Variants in KCNH8 observed in about 807,000 individuals in gnomAD.
KCNH8 encodes voltage-gated delayed rectifier potassium channel KCNH8.
A neutral mutation model predicts 103.6 loss-of-function variants in KCNH8; 70 were observed. The observed-to-expected ratio is 0.68, with a 90% CI of 0.56 to 0.82. The LOEUF is 0.82. Ranked by LOEUF, KCNH8 falls within the 40% of genes least tolerant of loss-of-function variation. KCNH8 has a pLI of 0.00. For synonymous variants in KCNH8, 498 were observed against 489.4 expected (o/e 1.02, Z -0.23); for missense variants, 1,217 against 1,329.9 (o/e 0.92, Z 1.32).
intron 5 of KCNH8, among the ~76,000 whole-genome samples, chr3:19,365,964 T>C (rs1257861428): frequency 1.3e-5 from 2 of 152,088 alleles, no homozygotes; most frequent in African/African-American, 4.8e-5. Flanking sequence ...ACTCCCACAT[T>C]TGGAGTTCTT....
intron 5 of KCNH8, among the ~76,000 whole-genome samples, chr3:19,370,135 T>G (rs916398279): frequency 6.6e-6 from 1 of 152,086 alleles, no homozygotes; most frequent in African/African-American, 2.4e-5. Flanking sequence ...AGTTCGCTTG[T>G]TATCTCTCGC....
At chr3:19,216,228 T>C (rs1037859514) in intron 1 of KCNH8, among the ~76,000 whole-genome samples, 3 of 152,194 alleles carry the variant, frequency 2.0e-5, no homozygotes, top group Admixed American at 6.5e-5. Flanking sequence ...ATTCTCTCCA[T>C]TCTAGGCAGG....
At chr3:19,412,240 A>G (rs944399265) in intron 7 of KCNH8, among the ~76,000 whole-genome samples, 1 of 152,074 alleles carries the variant, frequency 6.6e-6, no homozygotes, top group African/African-American at 2.4e-5. Flanking sequence ...ATAAAGCCAT[A>G]CACCTACAGC....
At chr3:19,179,222 T>C (rs1163362861) in intron 1 of KCNH8, among the ~76,000 whole-genome samples, 1 of 152,070 alleles carries the variant, frequency 6.6e-6, no homozygotes, top group African/African-American at 2.4e-5. Flanking sequence ...CTCTAACGCT[T>C]GCCAAATATG....
intron 10 of KCNH8, among the ~76,000 whole-genome samples, chr3:19,456,549 G>A (rs567583652): frequency 6.6e-6 from 1 of 151,984 alleles, no homozygotes; most frequent in African/African-American, 2.4e-5. Flanking sequence ...TTAGTTGTTG[G>A]TTCTTTATGA....
chr3:19,295,596 G>T (rs779947836), intron 3 of KCNH8, among the ~76,000 whole-genome samples: 2 of 152,240 alleles, frequency 1.3e-5, no homozygotes, highest in Non-Finnish European at 2.9e-5. Flanking sequence ...GATGATAACA[G>T]TGTCACTGAG....
rs556698179 is a variant in KCNH8 at position 19,412,017 on chromosome 3, A to T, written c.1177+16706A>T. On this transcript the variant is annotated intron_variant, in intron 7 of 15. Transcript: ENST00000328405. ...CCAACATCTTCTTTAAGAATTATTT[A>T]AAAAAAATAGAATTAGAAAAAAAAT... 7.2e-4 allele frequency among the ~76,000 whole-genome samples: 109 copies of T among 151,706 alleles called. 1 individual carries two copies. Among genetic ancestry groups the T allele is most frequent in the South Asian group, 5.4e-3 (26 of 4,800 alleles).
chr3:19,417,452 T>A (rs1436468586), intron 7 of KCNH8, among the ~76,000 whole-genome samples: 1 of 151,772 alleles, frequency 6.6e-6, no homozygotes, highest in Non-Finnish European at 1.5e-5. Context: ...TGGACCTTAT[T>A]CTTGCTCGGA....
intron 1 of KCNH8, among the ~76,000 whole-genome samples, chr3:19,203,249 C>T (rs2063681641): frequency 6.6e-6 from 1 of 151,994 alleles, no homozygotes; most frequent in African/African-American, 2.4e-5. Flanking sequence ...TTTGTTAGAG[C>T]TCCCATCTTT....
intron 11 of KCNH8, among the ~76,000 whole-genome samples, chr3:19,464,366 C>T (rs950337263): frequency 6.6e-6 from 1 of 151,892 alleles, no homozygotes; most frequent in African/African-American, 2.4e-5. Flanking sequence ...AAAAGTTGGC[C>T]CATGAGATAC....
At chr3:19,448,020 G>A (rs1444340056) in intron 8 of KCNH8, among the ~76,000 whole-genome samples, 1 of 151,804 alleles carries the variant, frequency 6.6e-6, no homozygotes, top group African/African-American at 2.4e-5. Flanking sequence ...GAGGTTGCAG[G>A]AAAACCTTAA....
Position 19,259,790 on chromosome 3 carries a change from T to TAC in KCNH8, c.310+5918_310+5919dup, listed in dbSNP as rs56173952. On this transcript the variant is annotated intron_variant, in intron 2 of 15. Transcript: ENST00000328405. ...ATGCATATATGTATGTGTGTTTACA[T>TAC]ACACACACACACACACTTGTTACAG... 1.1e-3 allele frequency among the ~76,000 whole-genome samples: 172 copies of TAC among 150,886 alleles called. No homozygotes were observed. The East Asian group carries it at 0.028, about 25-fold the overall frequency.
chr3:19,267,861 C>T (rs181567282), intron 2 of KCNH8, among the ~76,000 whole-genome samples: 1 of 152,202 alleles, frequency 6.6e-6, no homozygotes, highest in East Asian at 1.9e-4. Context: ...CTTCCCGAGC[C>T]TCAGTTTTCT....
At chr3:19,449,091 G>C (rs1281811206) in intron 8 of KCNH8, 1 of 518,130 alleles carries the variant, frequency 1.9e-6, no homozygotes, top group African/African-American at 1.9e-5. Flanking sequence ...CCTGGAAAGT[G>C]AGGTCCATCC....
chr3:19,356,978 A>G (rs1480166636), intron 5 of KCNH8, among the ~76,000 whole-genome samples: 1 of 151,932 alleles, frequency 6.6e-6, no homozygotes, highest in Non-Finnish European at 1.5e-5. Flanking sequence ...TTCAACAGTT[A>G]TCGCTCCCAT....
At chr3:19,325,941 T>C (rs1408407159) in intron 3 of KCNH8, among the ~76,000 whole-genome samples, 1 of 152,150 alleles carries the variant, frequency 6.6e-6, no homozygotes, top group Non-Finnish European at 1.5e-5. Context: ...TCAACCTAAA[T>C]GTCCATCAAT....
At chr3:19,239,340 G>A (rs1259128794) in intron 1 of KCNH8, among the ~76,000 whole-genome samples, 1 of 152,156 alleles carries the variant, frequency 6.6e-6, no homozygotes, top group East Asian at 1.9e-4. Flanking sequence ...ACCAGGCATG[G>A]ATGAGGGGCA....
intron 1 of KCNH8, among the ~76,000 whole-genome samples, chr3:19,206,079 T>G (rs1322495602): frequency 6.6e-6 from 1 of 151,346 alleles, no homozygotes; most frequent in African/African-American, 2.4e-5. Context: ...TTTCCATTCC[T>G]GAGTTACTTC....
At chr3:19,311,029 C>G (rs1291664272) in intron 3 of KCNH8, among the ~76,000 whole-genome samples, 2 of 151,708 alleles carry the variant, frequency 1.3e-5, no homozygotes, top group African/African-American at 4.8e-5. Context: ...TCCTAGCAAC[C>G]AGAAGGTCAC....
Sources: allele counts gnomAD v4.1 joint callset (sites outside exome capture counted in the v4.1 genomes callset), GRCh38; gene constraint gnomAD v4.1.1; transcripts MANE v1.5; gene names NCBI Gene and HGNC (gene_info 2026-07-23, HGNC 2026-07-21).